SPDYE4: variants seen among roughly 807,000 people sequenced by gnomAD.
The protein encoded by SPDYE4 is speedy/RINGO cell cycle regulator family member E4, also known as speedy protein E4.
SPDYE4 carries 30 observed loss-of-function variants against 37.5 expected under a neutral mutation model. That is an observed-to-expected ratio of 0.80 (90% CI 0.60 to 1.09). The LOEUF (loss-of-function observed/expected upper bound fraction) is 1.09. Ranked by LOEUF, SPDYE4 falls within the 50% of genes least tolerant of loss-of-function variation. SPDYE4 has a pLI of 0.00. For synonymous variants in SPDYE4, 131 were observed against 120.3 expected, an observed-to-expected ratio of 1.09 and a Z score of -0.58; for missense variants, 300 against 307.9, an observed-to-expected ratio of 0.97 and a Z score of 0.19.
At position 8,756,414 on chromosome 17, in the gene SPDYE4, G is replaced by A. The variant is rs1159969220; in HGVS notation, c.363C>T (p.Phe121=). ...CCCTCAGGTCTTTGTCCCAGGCCAGGAATTTTTGAACGACAGGATCCCCTG... is the reference window on the plus strand; with the variant it reads ...CCCTCAGGTCTTTGTCCCAGGCCAGAAATTTTTGAACGACAGGATCCCCTG... ...RLLGDPVVQK[F]LAWDKDLRVS... The change falls in exon 3 of 7, where the codon TTC becomes TTT. Residue 121 remains phenylalanine, a synonymous_variant. Coordinates refer to ENST00000689094, the MANE Select transcript of SPDYE4 (RefSeq NM_001394956.1). The A allele has an allele frequency of 6.2e-7, 1 of 1,614,040 alleles. No homozygotes were observed. Among genetic ancestry groups the A allele is most frequent in the South Asian group, 1.1e-5 (1 of 91,070 alleles).
chr17:8,748,454 A>G (rs1052758573), downstream of SPDYE4, among the ~76,000 whole-genome samples: 2 of 152,226 alleles, frequency 1.3e-5, no homozygotes, highest in Admixed American at 1.3e-4. Context: ...TCCAGTCTGC[A>G]AACCAGCAAA....
chr17:8,750,304 G>A (rs1488916432), downstream of SPDYE4, among the ~76,000 whole-genome samples: 2 of 152,144 alleles, frequency 1.3e-5, no homozygotes. Flanking sequence ...CAAGAGAATT[G>A]CTTGAACTTG....
chr17:8,754,169 A>G (rs918313346), intron 4 of SPDYE4, among the ~76,000 whole-genome samples: 1 of 152,232 alleles, frequency 6.6e-6, no homozygotes, highest in African/African-American at 2.4e-5. Flanking sequence ...GAATACATGA[A>G]TGAATGAAGG....
rs758072371 is a variant in SPDYE4 at position 8,753,377 on chromosome 17, G to T, written c.598C>A (p.Gln200Lys). The change falls in exon 5 of 7, where the codon CAG (glutamine) becomes AAG (lysine). Residue 200 changes from glutamine to lysine, a missense_variant. Physicochemically the swap from Gln to Lys is moderately conservative, Grantham distance 53. Transcript: ENST00000689094. ...QRPLFHKLRY[Q>K]LLCSMRWRTW... ...CTCCAGCGCATGGAACAGAGGAGCTGGTATCGAAGCTTATGGAACAAGGGT... is the reference window on the plus strand; with the variant it reads ...CTCCAGCGCATGGAACAGAGGAGCTTGTATCGAAGCTTATGGAACAAGGGT... The T allele has an allele frequency of 1.9e-6, 3 of 1,590,350 alleles. No individual in the cohort carries two copies. In the South Asian group the frequency reaches 3.4e-5, roughly 18 times the overall value.
downstream of SPDYE4, among the ~76,000 whole-genome samples, chr17:8,748,486 C>T (rs1567539216): frequency 6.6e-6 from 1 of 152,146 alleles, no homozygotes. Context: ...CAGACACTGC[C>T]TGTCCTGGCA....
In SPDYE4 at chr17:8,758,398, C is replaced by T; in HGVS notation, c.-16G>A. ...CACTGGCCATAATCTCTCCCAAACA[C>T]TTTGTTTCTGTCCACAAAACCTAGT... On this transcript the variant is annotated 5_prime_UTR_variant, in exon 1 of 7. The change creates a new upstream start codon in the 5' untranslated region. Coordinates refer to ENST00000689094, the MANE Select transcript of SPDYE4 (RefSeq NM_001394956.1). The T allele has an allele frequency of 6.5e-7, 1 of 1,549,708 alleles. No individual in the cohort carries two copies. Among genetic ancestry groups the T allele is most frequent in the East Asian group, 2.4e-5 (1 of 40,906 alleles).
At chr17:8,758,070 C>T (rs778052081) in intron 1 of SPDYE4, among the ~76,000 whole-genome samples, 7 of 152,070 alleles carry the variant, frequency 4.6e-5, no homozygotes, top group Non-Finnish European at 7.4e-5. Context: ...ATCTCCTGAC[C>T]CCCTTCATTG....
rs923982978 is a variant in SPDYE4 at position 8,758,358 on chromosome 17, G to T, written c.25C>A (p.Pro9Thr). MASGQARPPFEEESPQPST... is the reference protein window; with the variant it reads MASGQARPTFEEESPQPST... ...GGCTGGGGGCTCTCCTCCTCAAACG[G>T]GGGGCGCGCTTGACCACTGGCCATA... is the stretch of plus-strand genomic sequence containing the variant. Residue 9 changes from proline (P) to threonine (T), a missense_variant, in exon 1 of 7, where the codon CCG (proline) becomes ACG (threonine). By Grantham distance (38) the Pro-to-Thr change is conservative. Transcript: ENST00000689094. 3.6e-5 allele frequency: 56 copies of T among 1,551,110 alleles called. 1 individual carries two copies. The highest frequency in any genetic ancestry group is 4.4e-5 in the Non-Finnish European group (51 of 1,146,764).
At position 8,753,246 on chromosome 17, in the gene SPDYE4, C is replaced by T. The variant is rs568054759; in HGVS notation, c.655-49G>A. On this transcript the variant is annotated intron_variant, in intron 5 of 6. Coordinates refer to ENST00000689094, the MANE Select transcript of SPDYE4 (RefSeq NM_001394956.1). Reference sequence around the variant, plus strand: ...GAAGCCAGGGATTCCCCAGGAAGCCCCCTCTCTGCCCTCCTCCAGCCTCCA... The same window carrying T: ...GAAGCCAGGGATTCCCCAGGAAGCCTCCTCTCTGCCCTCCTCCAGCCTCCA... 319 of 1,612,984 alleles carry T rather than the reference C, an allele frequency of 2.0e-4. 3 individuals carry two copies. The South Asian group carries it at 3.2e-3, about 16-fold the overall frequency.
In SPDYE4 at chr17:8,751,175, A is replaced by G. The variant is rs1387062003; in HGVS notation, c.*1107T>C. ...AGCACATGTAATAACAGATAAAAAG[A>G]TTTAAAAATAAAACATTTAGGATAA... On this transcript the variant is annotated 3_prime_UTR_variant, in exon 7 of 7. Coordinates refer to ENST00000689094, the MANE Select transcript of SPDYE4 (RefSeq NM_001394956.1). 4.6e-5 allele frequency among the ~76,000 whole-genome samples: 7 copies of G among 152,242 alleles called. No homozygotes were observed. Among genetic ancestry groups the G allele is most frequent in the Non-Finnish European group, 1.0e-4 (7 of 68,044 alleles).
At chr17:8,752,909 G>A (rs558008437) in intron 6 of SPDYE4, among the ~76,000 whole-genome samples, 185 bp downstream of exon 6, 9 of 152,198 alleles carry the variant, frequency 5.9e-5, no homozygotes, top group South Asian at 4.1e-4. Context: ...TGTTCCTTCC[G>A]CCTCAGGCTC....
downstream of SPDYE4, among the ~76,000 whole-genome samples, chr17:8,748,107 CAT>C (rs1049254344): frequency 2.6e-5 from 4 of 152,184 alleles, no homozygotes; most frequent in Admixed American, 6.5e-5. Flanking sequence ...CCTCTCATGA[CAT>C]GTGGGAATTC....
At chr17:8,753,065 T>C in intron 6 of SPDYE4, 29 bp downstream of exon 6, 1 of 1,540,204 alleles carries the variant, frequency 6.5e-7, no homozygotes, top group African/African-American at 1.4e-5. Flanking sequence ...GAGAATATTC[T>C]GCCTTTACCC....
At chr17:8,755,494 C>G in intron 4 of SPDYE4, 26 bp downstream of exon 4, 4 of 1,607,664 alleles carry the variant, frequency 2.5e-6, no homozygotes, top group Non-Finnish European at 3.4e-6. Flanking sequence ...TGGATATTGA[C>G]AGATGGGAAG....
downstream of SPDYE4, among the ~76,000 whole-genome samples, chr17:8,750,753 C>G (rs540897462): frequency 2.6e-5 from 4 of 152,260 alleles, no homozygotes; most frequent in South Asian, 8.3e-4. Context: ...GCATTATTTT[C>G]CAGGGTTAAT....
intron 5 of SPDYE4, 45 bp downstream of exon 5, chr17:8,753,276 A>AG: frequency 3.2e-5 from 39 of 1,214,166 alleles, no homozygotes; most frequent in Non-Finnish European, 4.1e-5. Flanking sequence ...CCTCCAGTCC[A>AG]CCCCATCCCT....
chr17:8,758,484 T>C lies in SPDYE4; in HGVS notation c.-102A>G. ...TAGGACCCAGAAGAGTGCGTTTCTCTTCTAGAGGCTCGGGAGAAGTTAGGA... is the reference window on the plus strand; with the variant it reads ...TAGGACCCAGAAGAGTGCGTTTCTCCTCTAGAGGCTCGGGAGAAGTTAGGA... On this transcript the variant is annotated 5_prime_UTR_variant, in exon 1 of 7. Transcript: ENST00000689094. 1 of 1,118,266 alleles carries C rather than the reference T, an allele frequency of 8.9e-7. No individual in the cohort carries two copies. Among genetic ancestry groups the C allele is most frequent in the Non-Finnish European group, 1.3e-6 (1 of 762,994 alleles). The allele number at this position is 1,118,266 out of a possible 1,614,324, so 69.3% of individuals were successfully genotyped here. A position where few individuals can be genotyped will look rare whatever the true frequency, so the allele number is the denominator to read the frequency against.
intron 4 of SPDYE4, among the ~76,000 whole-genome samples, chr17:8,754,394 C>T (rs1041801617): frequency 6.6e-6 from 1 of 152,068 alleles, no homozygotes; most frequent in African/African-American, 2.4e-5. Flanking sequence ...GGTGACATAG[C>T]AAAACGTCAT....
Position 8,757,439 on chromosome 17 carries a change from T to C in SPDYE4, c.163A>G (p.Ser55Gly). 6.2e-7 allele frequency: 1 copy of C among 1,601,178 alleles called. No homozygotes were observed. Among genetic ancestry groups the C allele is most frequent in the Non-Finnish European group, 8.5e-7 (1 of 1,173,590 alleles). Residue 55 changes from serine (S) to glycine (G), a missense_variant, in exon 2 of 7, where the codon AGC (serine) becomes GGC (glycine). Physicochemically the swap from Ser to Gly is moderately conservative, Grantham distance 56 (BLOSUM62 0). Transcript: ENST00000689094. The stretch of plus-strand genomic sequence containing the variant: ...TCCTCGGATTCGTCTGACCATTCGC[T>C]CTTCCTTTTCAGGCCAAGGGATTGA... ...QPQSLGLKRK[S>G]EWSDESEEEL... is the part of the protein sequence containing the mutation.
Sources: allele counts gnomAD v4.1 joint callset (sites outside exome capture counted in the v4.1 genomes callset), GRCh38; gene constraint gnomAD v4.1.1; transcripts MANE v1.5; gene names NCBI Gene and HGNC (gene_info 2026-07-23, HGNC 2026-07-21).